The following LAMC1 variants were observed in gnomAD, a reference collection of about 807,000 sequenced individuals.
The protein encoded by LAMC1 is laminin subunit gamma 1.
Under a neutral mutation model 173.6 loss-of-function variants are expected in LAMC1, and 38 were observed. The ratio of observed to expected loss-of-function variants is 0.22; its 90% CI spans 0.17 to 0.29. The LOEUF (loss-of-function observed/expected upper bound fraction) is 0.29. Ranked by LOEUF, LAMC1 falls within the 10% of genes least tolerant of loss-of-function variation. The probability of loss-of-function intolerance (pLI) is 1.00; values close to 1 mark genes in which losing one functional copy is unlikely to be tolerated. For synonymous variants in LAMC1, 746 were observed against 749.1 expected (o/e 1.00, Z 0.07); for missense variants, 1,824 against 2,051.8 (o/e 0.89, Z 2.14).
In LAMC1 at chr1:183,128,579, C is replaced by G. The variant is rs753281635; in HGVS notation, c.3124-15C>G. On this transcript the variant is annotated splice_polypyrimidine_tract_variant and intron_variant, in intron 17 of 27. Transcript: ENST00000258341. ...TGTGTCCTACCTTTCCCTTTTCTTT[C>G]TTCTTTATGTTTAGGTTGCTGATCA... 6.3e-7 allele frequency: 1 copy of G among 1,592,248 alleles called. No homozygotes were observed. The highest frequency in any genetic ancestry group is 8.6e-7 in the Non-Finnish European group (1 of 1,167,212).
intron 1 of LAMC1, among the ~76,000 whole-genome samples, chr1:183,048,616 A>G (rs1185125979): frequency 6.6e-6 from 1 of 152,156 alleles, no homozygotes; most frequent in Non-Finnish European, 1.5e-5. Context: ...GCTTTATGTT[A>G]TAGTTAGAGC....
Position 183,024,040 on chromosome 1 carries a change from C to T in LAMC1, c.324C>T (p.Asp108=), listed in dbSNP as rs1465974715. Reference sequence around the variant, plus strand: ...AGCACGGGGCAGCCTTCCTGACCGACTACAACAACCAGGCCGACACCACCT... The same window carrying T: ...AGCACGGGGCAGCCTTCCTGACCGATTACAACAACCAGGCCGACACCACCT... ...HLQHGAAFLT[D]YNNQADTTWW... is the part of the protein sequence containing the mutation. The change falls in exon 1 of 28, where the codon GAC becomes GAT. Residue 108 remains aspartate, a synonymous_variant. Coordinates refer to ENST00000258341, the MANE Select transcript of LAMC1 (RefSeq NM_002293.4). 1.2e-6 allele frequency: 2 copies of T among 1,612,852 alleles called. No homozygotes were observed. Among genetic ancestry groups the T allele is most frequent in the Non-Finnish European group, 8.5e-7 (1 of 1,179,748 alleles).
intron 1 of LAMC1, among the ~76,000 whole-genome samples, chr1:183,079,991 C>A (rs1336091744): frequency 2.0e-5 from 3 of 152,060 alleles, no homozygotes; most frequent in African/African-American, 7.2e-5. Context: ...TGCCTGTAAT[C>A]CCAGCACTTT....
intron 1 of LAMC1, among the ~76,000 whole-genome samples, chr1:183,042,867 G>T (rs2102016343): frequency 6.6e-6 from 1 of 152,234 alleles, no homozygotes; most frequent in African/African-American, 2.4e-5. Flanking sequence ...ACACTGATGG[G>T]CTCTATGTCT....
At position 183,085,787 on chromosome 1, in the gene LAMC1, A is replaced by G. The variant is rs560372411; in HGVS notation, c.419-17541A>G. Among the ~76,000 whole-genome samples the G allele has an allele frequency of 1.7e-3, 254 of 152,318 alleles. 3 individuals are homozygous for G. The highest frequency in any genetic ancestry group is 5.0e-3 in the African/African-American group (209 of 41,578). ...TAAGTGCCACTTAAAAAGTTTATAA[A>G]TATGCTTTATAAATTCTAAAGGTGT... is the stretch of plus-strand genomic sequence containing the variant. On this transcript the variant is annotated intron_variant, in intron 1 of 27. Transcript: ENST00000258341.
intron 1 of LAMC1, among the ~76,000 whole-genome samples, chr1:183,078,909 C>T (rs541071046): frequency 6.6e-6 from 1 of 152,008 alleles, no homozygotes; most frequent in Non-Finnish European, 1.5e-5. Flanking sequence ...GCAGGAGAAT[C>T]GCTTGAACCC....
intron 11 of LAMC1, 49 bp from the exon 12 acceptor site, chr1:183,121,673 GT>G: frequency 6.6e-7 from 1 of 1,510,820 alleles, no homozygotes; most frequent in Non-Finnish European, 9.0e-7. Context: ...TTTACACAAG[GT>G]TTGGAAAACA....
Position 183,127,388 on chromosome 1 carries a change from G to A in LAMC1, c.3107G>A (p.Arg1036Gln), listed in dbSNP as rs1223262781. Residue 1036 changes from arginine to glutamine, a missense_variant, in exon 17 of 28, where the codon CGG becomes CAG. Coordinates refer to ENST00000258341, the MANE Select transcript of LAMC1 (RefSeq NM_002293.4). ...TGCCAGGAATGTCCAGCTTGTTACC[G>A]GCTGGTAAAGGATAAGGTAAGCTGT... ...PGCQECPACY[R>Q]LVKDKVADHR... 4 of 1,613,842 alleles carry A rather than the reference G, an allele frequency of 2.5e-6. No homozygotes were observed. The highest frequency in any genetic ancestry group is 1.3e-5 in the African/African-American group (1 of 74,876).
chr1:183,133,348 A>C, intron 21 of LAMC1, 58 bp from the exon 22 acceptor site: 1 of 1,486,032 alleles, frequency 6.7e-7, no homozygotes, highest in Non-Finnish European at 9.2e-7. Flanking sequence ...AATCTGGTTA[A>C]CATTAAGATG....
At position 183,103,505 on chromosome 1, in the gene LAMC1, A is replaced by T. The variant is rs1280782754; in HGVS notation, c.596A>T (p.Asp199Val). 1.2e-6 allele frequency: 2 copies of T among 1,614,188 alleles called. No homozygotes were observed. Among genetic ancestry groups the T allele is most frequent in the Non-Finnish European group, 1.7e-6 (2 of 1,180,028 alleles). Reference sequence around the variant, plus strand: ...CGCGGCTTCATCAGGACAGGAGGGGACGAGCAGCAGGCCTTGTGTACTGAT... The same window carrying T: ...CGCGGCTTCATCAGGACAGGAGGGGTCGAGCAGCAGGCCTTGTGTACTGAT... Reference protein sequence around the residue: ...ANRGFIRTGGDEQQALCTDEF... With the variant: ...ANRGFIRTGGVEQQALCTDEF... The change falls in exon 2 of 28, where the codon GAC (aspartate) becomes GTC (valine). Residue 199 changes from aspartate to valine, a missense_variant. Physicochemically the swap from Asp to Val is radical, Grantham distance 152 (BLOSUM62 -3). Transcript: ENST00000258341.
intron 25 of LAMC1, 73 bp downstream of exon 25, chr1:183,136,658 C>A: frequency 1.6e-6 from 2 of 1,263,806 alleles, no homozygotes; most frequent in Non-Finnish European, 2.2e-6. Flanking sequence ...CTTTCCAGAC[C>A]CTCAGAGCCC....
intron 18 of LAMC1, among the ~76,000 whole-genome samples, chr1:183,129,580 C>T (rs1437505716): frequency 6.7e-6 from 1 of 149,042 alleles, no homozygotes; most frequent in South Asian, 2.1e-4. Flanking sequence ...TTTTTTCCCA[C>T]ATTCCTTAGA....
chr1:183,051,471 G>C (rs1168124833), intron 1 of LAMC1, among the ~76,000 whole-genome samples: 1 of 152,222 alleles, frequency 6.6e-6, no homozygotes, highest in African/African-American at 2.4e-5. Context: ...ACCGTGTGGA[G>C]TACACGAATC....
At chr1:183,087,949 G>T (rs1303376411) in intron 1 of LAMC1, among the ~76,000 whole-genome samples, 1 of 151,900 alleles carries the variant, frequency 6.6e-6, no homozygotes. Context: ...AAGTAGCTGG[G>T]ATTACAGGCA....
chr1:183,131,190 A>AAAAAAT, intron 19 of LAMC1, 109 bp from the exon 20 acceptor site: 4 of 686,428 alleles, frequency 5.8e-6, no homozygotes, highest in East Asian at 2.7e-5. Flanking sequence ...AAAAAAAAAA[A>AAAAAAT]GGTAGAGGCA....
At chr1:183,118,188 A>G in intron 11 of LAMC1, 42 bp downstream of exon 11, 1 of 1,172,096 alleles carries the variant, frequency 8.5e-7, no homozygotes, top group Non-Finnish European at 1.3e-6. Context: ...TAAAAAGATG[A>G]TTGGTTAGAA....
chr1:183,107,627 G>A (rs533325994), intron 2 of LAMC1, among the ~76,000 whole-genome samples: 7 of 152,198 alleles, frequency 4.6e-5, no homozygotes, highest in African/African-American at 1.7e-4. Flanking sequence ...TCAGGAGATC[G>A]AGACCATCCT....
Position 183,116,650 on chromosome 1 carries a change from A to G in LAMC1, c.1402A>G (p.Asn468Asp), listed in dbSNP as rs1460332916. ...IETGRCVCKD[N>D]VEGFNCERCK... ...AACAGGAAGATGTGTTTGCAAAGACAATGTCGAAGGCTTCAATTGTGAAAG... is the reference window on the plus strand; with the variant it reads ...AACAGGAAGATGTGTTTGCAAAGACGATGTCGAAGGCTTCAATTGTGAAAG... Residue 468 changes from asparagine (N) to aspartate (D), a missense_variant, in exon 7 of 28, where the codon AAT becomes GAT. Coordinates refer to ENST00000258341, the MANE Select transcript of LAMC1 (RefSeq NM_002293.4). 6.2e-7 allele frequency: 1 copy of G among 1,613,396 alleles called. No individual in the cohort carries two copies. Among genetic ancestry groups the G allele is most frequent in the Admixed American group, 1.7e-5 (1 of 60,006 alleles).
At chr1:183,090,141 A>G (rs1220853003) in intron 1 of LAMC1, among the ~76,000 whole-genome samples, 3 of 152,160 alleles carry the variant, frequency 2.0e-5, no homozygotes, top group Non-Finnish European at 4.4e-5. Context: ...CACTTATTCT[A>G]TTTTATAGAG....
Sources: allele counts gnomAD v4.1 joint callset (sites outside exome capture counted in the v4.1 genomes callset), GRCh38; gene constraint gnomAD v4.1.1; transcripts MANE v1.5; gene names NCBI Gene and HGNC (gene_info 2026-07-23, HGNC 2026-07-21).